Variants in SLC25A45 observed in about 807,000 individuals in gnomAD.
The protein encoded by SLC25A45 is methylated amino-acid transporter SLC25A45.
Under a neutral mutation model 23.0 loss-of-function variants are expected in SLC25A45, and 22 were observed. The observed-to-expected ratio is 0.95, with a 90% CI of 0.68 to 1.36. SLC25A45 has a LOEUF of 1.36. SLC25A45 is among the 40% of genes most tolerant of loss of function. The pLI is 0.00. For missense variants in SLC25A45, 355 were observed against 383.5 expected (o/e 0.93, Z 0.62); for synonymous variants, 136 against 155.0 (o/e 0.88, Z 0.91).
At chr11:65,380,849 G>C (rs1364638618) in intron 2 of SLC25A45, 1 of 308,290 alleles carries the variant, frequency 3.2e-6, no homozygotes, top group Non-Finnish European at 6.5e-6. Context: ...CTCAGGGCCC[G>C]GGACTGCGGC....
chr11:65,380,677 T>C, intron 2 of SLC25A45: 1 of 1,137,990 alleles, frequency 8.8e-7, no homozygotes, highest in African/African-American at 1.6e-5. Flanking sequence ...GCTTCTCCCC[T>C]CCCCTCCACC....
intron 2 of SLC25A45, chr11:65,380,519 C>A (rs1477439178): frequency 7.2e-7 from 1 of 1,386,708 alleles, no homozygotes; most frequent in Admixed American, 2.2e-5. Flanking sequence ...CTGGGAGAAT[C>A]ACCCAGGTTC....
intron 5 of SLC25A45, chr11:65,377,440 G>A: frequency 1.9e-6 from 2 of 1,056,822 alleles, no homozygotes; most frequent in Non-Finnish European, 2.3e-6. Context: ...GGTGGGCAGG[G>A]CCAAGTGAAG....
rs1011569684 is a variant in SLC25A45 at position 65,376,272 on chromosome 11, C to A, written c.*135G>T. ...CAGGTGTCTGCCCAGCCCAGATCTG[C>A]GCGGGTGGGAGGCACCTTGGTTAGG... On this transcript the variant is annotated 3_prime_UTR_variant, in exon 7 of 7. Transcript: ENST00000398802. The A allele has an allele frequency of 1.8e-6, 2 of 1,129,598 alleles. No individual in the cohort carries two copies. Among genetic ancestry groups the A allele is most frequent in the East Asian group, 2.6e-5 (1 of 38,632 alleles). 70.0% of individuals were successfully genotyped at this position (1,129,598 alleles called of 1,614,324 possible).
At chr11:65,380,232 A>T in intron 2 of SLC25A45, 57 bp from the exon 3 acceptor site, 1 of 1,613,434 alleles carries the variant, frequency 6.2e-7, no homozygotes, top group South Asian at 1.1e-5. Context: ...CCAGGAAGCA[A>T]GTCTGTGCCA....
chr11:65,377,357 C>A, intron 5 of SLC25A45: 1 of 1,303,934 alleles, frequency 7.7e-7, no homozygotes, highest in Non-Finnish European at 9.7e-7. Context: ...GCACTCAGAA[C>A]AAGCCTGGAT....
chr11:65,379,357 C>T lies in SLC25A45; in HGVS notation c.339+19G>A, dbSNP rs1462629959. 1.2e-6 allele frequency: 2 copies of T among 1,604,616 alleles called. No individual in the cohort carries two copies. Among genetic ancestry groups the T allele is most frequent in the South Asian group, 1.1e-5 (1 of 91,002 alleles). ...CCATCCCTATGACACCTGTGTGTGC[C>T]CACTCACTGCCCCCTCACCTGCAGG... is the stretch of plus-strand genomic sequence containing the variant. On this transcript the variant is annotated intron_variant, in intron 5 of 6. Transcript: ENST00000398802.
intron 5 of SLC25A45, chr11:65,378,567 G>A (rs1269000786): frequency 6.6e-6 from 1 of 152,282 alleles, no homozygotes; most frequent in Non-Finnish European, 1.5e-5. Context: ...AGAAGGGGCA[G>A]AAGAAAAGCC....
intron 5 of SLC25A45, 90 bp from the exon 6 acceptor site, chr11:65,377,166 G>A: frequency 1.3e-6 from 2 of 1,496,256 alleles, no homozygotes; most frequent in Non-Finnish European, 1.8e-6. Flanking sequence ...GCAGGCAGGG[G>A]GCCACATCTT....
Position 65,376,523 on chromosome 11 carries a change from G to C in SLC25A45, c.751C>G (p.Arg251Gly). 6.2e-7 allele frequency: 1 copy of C among 1,614,186 alleles called. No individual in the cohort carries two copies. Among genetic ancestry groups the C allele is most frequent in the Non-Finnish European group, 8.5e-7 (1 of 1,180,036 alleles). ...AAGAAGACTCCCAGTCCTTCCTGCCGGATGCTGCTCACCATGCAGTCCAGC... is the reference window on the plus strand; with the variant it reads ...AAGAAGACTCCCAGTCCTTCCTGCCCGATGCTGCTCACCATGCAGTCCAGC... The part of the protein sequence containing the change: ...GMLDCMVSSI[R>G]QEGLGVFFRG... Residue 251 changes from arginine to glycine, a missense_variant, in exon 7 of 7, where the codon CGG (arginine) becomes GGG (glycine). Transcript: ENST00000398802.
intron 5 of SLC25A45, chr11:65,377,520 G>T: frequency 3.1e-6 from 2 of 644,458 alleles, no homozygotes; most frequent in Non-Finnish European, 1.9e-6. Flanking sequence ...CCCCTCGTGA[G>T]TGCTGTTCTC....
Position 65,381,696 on chromosome 11 carries a change from A to G in SLC25A45, c.37+219T>C, listed in dbSNP as rs1180788305. ...AATCCTCCTAAGTAGCTGGGACTAC[A>G]GGTGTGAGCCACCATGCCCAGCTAA... On this transcript the variant is annotated intron_variant, in intron 2 of 6. Coordinates refer to ENST00000398802, the MANE Select transcript of SLC25A45 (RefSeq NM_182556.4). 2.0e-5 allele frequency: 11 copies of G among 562,216 alleles called. No individual in the cohort carries two copies. The East Asian group carries it at 3.3e-4, about 17-fold the overall frequency. The allele number at this position is 562,216 out of a possible 1,614,324, so 34.8% of individuals were successfully genotyped here.
intron 2 of SLC25A45, chr11:65,380,529 C>G: frequency 1.5e-6 from 2 of 1,375,762 alleles, no homozygotes; most frequent in Non-Finnish European, 1.9e-6. Flanking sequence ...CACCCAGGTT[C>G]CCACCTCTCC....
rs1855235037 is a variant in SLC25A45, at chr11:65,376,962, C to T, written c.454G>A (p.Ala152Thr). The part of the protein sequence containing the change: ...PRYQGPVHCA[A>T]SIFREEGPRG... ...GGCCCCTCCTCCCGGAAGATGGAGG[C>T]TGCACAGTGCACGGGCCCCTGGTAC... The change falls in exon 6 of 7, where the codon GCC (alanine) becomes ACC (threonine). Residue 152 changes from alanine (A) to threonine (T), a missense_variant. Transcript: ENST00000398802. 6.2e-7 allele frequency: 1 copy of T among 1,613,102 alleles called. No individual in the cohort carries two copies. The highest frequency in any genetic ancestry group is 1.3e-5 in the African/African-American group (1 of 74,936).
intron 5 of SLC25A45, chr11:65,377,372 T>C: frequency 4.0e-6 from 5 of 1,251,748 alleles, no homozygotes; most frequent in Non-Finnish European, 5.0e-6. Context: ...CTGGATTCTT[T>C]TTGCAGGAGC....
At chr11:65,376,700 G>A in intron 6 of SLC25A45, 25 bp from the exon 7 acceptor site, 1 of 1,613,416 alleles carries the variant, frequency 6.2e-7, no homozygotes, top group Non-Finnish European at 8.5e-7. Context: ...GCCCAGAGCA[G>A]GGGTCAGACC....
Position 65,376,918 on chromosome 11 carries a change from T to A in SLC25A45, c.498A>T (p.Gly166=), listed in dbSNP as rs138699292. 4.4e-4 allele frequency: 706 copies of A among 1,613,812 alleles called. 6 individuals are homozygous for A. The East Asian group carries it at 0.016, about 35-fold the overall frequency. ...TGTCCCTCAGCGTCAGGGCCCAGGC[T>A]CCTCGGAACAGCCCCCGGGGCCCCT... The part of the protein sequence containing the change: ...REEGPRGLFR[G]AWALTLRDTP... The change falls in exon 6 of 7, where the codon GGA becomes GGT. Residue 166 remains glycine (G), a synonymous_variant. Coordinates refer to ENST00000398802, the MANE Select transcript of SLC25A45 (RefSeq NM_182556.4).
chr11:65,381,835 C>T, intron 2 of SLC25A45, 80 bp downstream of exon 2: 2 of 1,574,646 alleles, frequency 1.3e-6, no homozygotes, highest in Non-Finnish European at 1.7e-6. Flanking sequence ...TTGGTCTCTG[C>T]TCCTCCCATG....
rs1855147112 is a variant in SLC25A45 at position 65,376,050 on chromosome 11, A to G, written c.*357T>C. 1 of 243,874 alleles carries G rather than the reference A, an allele frequency of 4.1e-6. No individual in the cohort carries two copies. Among genetic ancestry groups the G allele is most frequent in the Non-Finnish European group, 7.8e-6 (1 of 128,066 alleles). 15.1% of individuals were successfully genotyped at this position (243,874 alleles called of 1,614,324 possible). ...ACGCCACTGCATTCCAGCCTGGGTG[A>G]CAGAGAAAGACTCCATCTCAAAAAA... On this transcript the variant is annotated 3_prime_UTR_variant, in exon 7 of 7. Coordinates refer to ENST00000398802, the MANE Select transcript of SLC25A45 (RefSeq NM_182556.4).
Sources: allele counts gnomAD v4.1 joint callset, GRCh38; gene constraint gnomAD v4.1.1; transcripts MANE v1.5; gene names NCBI Gene and HGNC (gene_info 2026-07-23, HGNC 2026-07-21).